Variants in VWF observed in about 807,000 individuals in gnomAD.
VWF encodes Factor VIII related antigen.
VWF carries 176 observed loss-of-function variants against 308.6 expected under a neutral mutation model. The observed-to-expected ratio is 0.57, with a 90% CI of 0.50 to 0.65. The LOEUF (loss-of-function observed/expected upper bound fraction) is 0.65. VWF is among the 30% of genes least tolerant of loss of function. The probability of loss-of-function intolerance (pLI) is 0.00; values close to 1 mark genes in which losing one functional copy is unlikely to be tolerated. For synonymous variants in VWF, 1,385 were observed against 1,443.4 expected (o/e 0.96, Z 0.92); for missense variants, 3,146 against 3,648.2 (o/e 0.86, Z 3.55).
chr12:6,016,275 G>A (rs376544364), intron 30 of VWF, 43 bp from the exon 31 acceptor site: 29 of 1,613,914 alleles, frequency 1.8e-5, no homozygotes, highest in African/African-American at 4.0e-5. Context: ...TACTGACTGC[G>A]GCTCGACACC....
In VWF at chr12:6,068,835, CGTGTGT is replaced by C. The variant is rs34977515; in HGVS notation, c.1156+2456_1156+2461del. 1.3e-3 allele frequency among the ~76,000 whole-genome samples: 123 copies of C among 91,304 alleles called. No individual in the cohort carries two copies. The Middle Eastern group carries it at 0.026, about 19-fold the overall frequency. The allele number at this position is 91,304 out of a possible 152,430, so 59.9% of individuals were successfully genotyped here. A position where few individuals can be genotyped will look rare whatever the true frequency, so the allele number is the denominator to read the frequency against. ...TTTCTTCCTTTTTTTTTTTTTTTTGCGTGTGTGTGTGTGTGTGTGTGTGTGTGTGTG... is the reference window on the plus strand; with the variant it reads ...TTTCTTCCTTTTTTTTTTTTTTTTGCGTGTGTGTGTGTGTGTGTGTGTGTG... On this transcript the variant is annotated intron_variant, in intron 10 of 51. Coordinates refer to ENST00000261405, the MANE Select transcript of VWF (RefSeq NM_000552.5).
At chr12:5,973,098 T>C (rs1436674904) in intron 43 of VWF, among the ~76,000 whole-genome samples, 1 of 152,118 alleles carries the variant, frequency 6.6e-6, no homozygotes, top group African/African-American at 2.4e-5. Context: ...ACCCAGACAC[T>C]TTTAGCCATC....
intron 45 of VWF, among the ~76,000 whole-genome samples, chr12:5,968,864 G>T (rs1189274040): frequency 3.3e-5 from 5 of 152,174 alleles, no homozygotes; most frequent in African/African-American, 1.2e-4. Context: ...ATGGTAGAAA[G>T]AACTAGTTTT....
chr12:6,084,111 C>T lies in VWF; in HGVS notation c.658-8560G>A, dbSNP rs562383742. Among the ~76,000 whole-genome samples the T allele has an allele frequency of 3.3e-5, 5 of 152,342 alleles. 1 individual carries two copies. The highest frequency in any genetic ancestry group is 1.2e-4 in the African/African-American group (5 of 41,568). ...GTCCTGTCACTCACAGCTGAACCTA[C>T]TCCTAACTGACACAGACAGCAGTAC... is the stretch of plus-strand genomic sequence containing the variant. On this transcript the variant is annotated intron_variant, in intron 6 of 51. Transcript: ENST00000261405.
chr12:5,977,738 G>A (rs186669915), intron 42 of VWF, among the ~76,000 whole-genome samples: 45 of 151,916 alleles, frequency 3.0e-4, no homozygotes, highest in African/African-American at 1.1e-3. Context: ...GGATGTGGTG[G>A]CATATGTCTG....
At chr12:5,960,488 T>A (rs878955566) in intron 47 of VWF, among the ~76,000 whole-genome samples, 2 of 152,186 alleles carry the variant, frequency 1.3e-5, no homozygotes, top group Admixed American at 1.3e-4. Context: ...CATATTTTGT[T>A]GGATCTAGCA....
chr12:5,999,467 C>CACAT (rs1471181778), intron 34 of VWF, among the ~76,000 whole-genome samples: 1 of 123,280 alleles, frequency 8.1e-6, no homozygotes, highest in African/African-American at 3.3e-5. Flanking sequence ...CACATGTACA[C>CACAT]ACATACACAC....
chr12:5,965,636 C>T (rs1481214532), intron 47 of VWF, among the ~76,000 whole-genome samples: 1 of 152,202 alleles, frequency 6.6e-6, no homozygotes, highest in Non-Finnish European at 1.5e-5. Flanking sequence ...TGGGAGGCAA[C>T]GGAAGACTCA....
In VWF at chr12:5,964,060, G is replaced by GA. The variant is rs779300448; in HGVS notation, c.7887+3425dup. Among the ~76,000 whole-genome samples, 98 of 151,844 alleles carry GA rather than the reference G, an allele frequency of 6.5e-4. 1 individual carries two copies. The highest frequency in any genetic ancestry group is 2.1e-3 in the African/African-American group (86 of 41,404). The stretch of plus-strand genomic sequence containing the variant: ...GTCTCTACTAAAAATACAAAAAAAA[G>GA]AAAAAAATTAGCTGGGCATGGCGGT... On this transcript the variant is annotated intron_variant, in intron 47 of 51. Coordinates refer to ENST00000261405, the MANE Select transcript of VWF (RefSeq NM_000552.5).
intron 34 of VWF, among the ~76,000 whole-genome samples, chr12:5,999,401 A>C (rs1446936117): frequency 6.6e-6 from 1 of 151,964 alleles, no homozygotes; most frequent in Non-Finnish European, 1.5e-5. Flanking sequence ...AGCAAACGGG[A>C]AAGTCAGGGT....
At chr12:6,028,920 T>C (rs1053126142) in intron 22 of VWF, among the ~76,000 whole-genome samples, 16 of 152,098 alleles carry the variant, frequency 1.1e-4, no homozygotes, top group Admixed American at 9.8e-4. Context: ...ATATTAACCT[T>C]AAATGTAAAT....
chr12:6,083,646 G>C (rs1370046311), intron 6 of VWF, among the ~76,000 whole-genome samples: 1 of 152,224 alleles, frequency 6.6e-6, no homozygotes, highest in East Asian at 1.9e-4. Flanking sequence ...AAAAGTGGAA[G>C]AGGTTGAAAG....
intron 7 of VWF, among the ~76,000 whole-genome samples, chr12:6,074,080 C>T (rs915257052): frequency 2.6e-5 from 4 of 152,136 alleles, no homozygotes; most frequent in African/African-American, 9.7e-5. Context: ...CTCCTCTAGG[C>T]TCAAAACAAG....
chr12:5,972,772 C>T (rs917858), intron 43 of VWF, among the ~76,000 whole-genome samples: 99,135 of 151,966 alleles, frequency 0.65, 32,949 homozygotes, highest in Middle Eastern at 0.76. Context: ...CTAGGTACTA[C>T]GGAGGAGACA....
At chr12:5,960,502 C>A (rs1301560843) in intron 47 of VWF, among the ~76,000 whole-genome samples, 1 of 152,078 alleles carries the variant, frequency 6.6e-6, no homozygotes, top group Admixed American at 6.6e-5. Context: ...TCTAGCATAA[C>A]CCTGACATCA....
intron 43 of VWF, among the ~76,000 whole-genome samples, chr12:5,975,869 C>T (rs1943526846): frequency 6.6e-6 from 1 of 152,170 alleles, no homozygotes; most frequent in Non-Finnish European, 1.5e-5. Flanking sequence ...CCCTAACCCC[C>T]TCCCTCTTCC....
chr12:6,081,120 C>A (rs1565856432), intron 6 of VWF, among the ~76,000 whole-genome samples: 1 of 152,160 alleles, frequency 6.6e-6, no homozygotes. Flanking sequence ...CTGAGGCAAA[C>A]CTCACCTCCT....
chr12:6,109,570 G>A (rs934571174), intron 5 of VWF, among the ~76,000 whole-genome samples: 4 of 152,218 alleles, frequency 2.6e-5, no homozygotes, highest in African/African-American at 9.6e-5. Flanking sequence ...ACATATGTAA[G>A]TGTTTAGCTT....
intron 3 of VWF, among the ~76,000 whole-genome samples, chr12:6,119,037 C>A (rs1945401966): frequency 6.6e-6 from 1 of 152,260 alleles, no homozygotes; most frequent in Non-Finnish European, 1.5e-5. Flanking sequence ...CATTCCGCCT[C>A]CTACCTCTCT....
Sources: allele counts gnomAD v4.1 joint callset (sites outside exome capture counted in the v4.1 genomes callset), GRCh38; gene constraint gnomAD v4.1.1; transcripts MANE v1.5; gene names NCBI Gene and HGNC (gene_info 2026-07-23, HGNC 2026-07-21).